Variants in PPP2R5E observed in about 807,000 individuals in gnomAD.
PPP2R5E encodes protein phosphatase 2 regulatory subunit B'epsilon.
A neutral mutation model predicts 65.3 loss-of-function variants in PPP2R5E; 4 were observed. The ratio of observed to expected loss-of-function variants is 0.06; its 90% CI spans 0.03 to 0.14. The LOEUF (loss-of-function observed/expected upper bound fraction) is 0.14. PPP2R5E is among the 10% of genes least tolerant of loss of function. The probability of loss-of-function intolerance (pLI) is 1.00; values close to 1 mark genes in which losing one functional copy is unlikely to be tolerated. For synonymous variants in PPP2R5E, 183 were observed against 187.4 expected (o/e 0.98, Z 0.19); for missense variants, 274 against 556.1 (o/e 0.49, Z 5.10).
In PPP2R5E at chr14:63,417,725, A is replaced by C. The variant is rs192891032; in HGVS notation, c.457-2493T>G. The stretch of plus-strand genomic sequence containing the variant: ...GTGAAATCGGCTTTTTTACATTTTT[A>C]ATTACAAGTACGTGGCAGTGAAGAA... On this transcript the variant is annotated intron_variant, in intron 4 of 13. Transcript: ENST00000337537. 5.4e-4 allele frequency among the ~76,000 whole-genome samples: 82 copies of C among 152,272 alleles called. 2 individuals are homozygous for C. In the South Asian group the frequency reaches 5.6e-3, roughly 10 times the overall value.
intron 3 of PPP2R5E, among the ~76,000 whole-genome samples, chr14:63,433,802 C>G (rs1440653324): frequency 6.6e-6 from 1 of 152,136 alleles, no homozygotes; most frequent in African/African-American, 2.4e-5. Context: ...TCCTGTTTCG[C>G]CCCCATGCAC....
At chr14:63,415,091 A>C in intron 5 of PPP2R5E, 49 bp downstream of exon 5, 3 of 1,335,432 alleles carry the variant, frequency 2.2e-6, no homozygotes, top group Non-Finnish European at 3.2e-6. Flanking sequence ...AAAATGAGAT[A>C]AAGTGTTAAC....
chr14:63,494,041 C>T (rs1186010770), intron 2 of PPP2R5E, among the ~76,000 whole-genome samples: 1 of 152,062 alleles, frequency 6.6e-6, no homozygotes, highest in Non-Finnish European at 1.5e-5. Context: ...ATTTTTTACC[C>T]AGAATTCCAC....
intron 2 of PPP2R5E, among the ~76,000 whole-genome samples, chr14:63,496,913 A>C (rs1891600377): frequency 6.6e-6 from 1 of 152,164 alleles, no homozygotes; most frequent in Middle Eastern, 3.4e-3. Context: ...TAGTTTTCCA[A>C]GAATTTTTCT....
intron 2 of PPP2R5E, among the ~76,000 whole-genome samples, chr14:63,465,663 T>G (rs933082129): frequency 3.5e-4 from 53 of 152,158 alleles, no homozygotes; most frequent in Non-Finnish European, 1.2e-4. Context: ...TAATTTTTTG[T>G]TAAAATTTTA....
chr14:63,445,359 T>C (rs1888424454), intron 3 of PPP2R5E, among the ~76,000 whole-genome samples: 1 of 152,242 alleles, frequency 6.6e-6, no homozygotes, highest in Admixed American at 6.5e-5. Context: ...AATAGCTTTA[T>C]GTCTAAAAAA....
chr14:63,533,930 G>C (rs1352416894), intron 2 of PPP2R5E, among the ~76,000 whole-genome samples: 2 of 152,234 alleles, frequency 1.3e-5, no homozygotes, highest in Non-Finnish European at 1.5e-5. Context: ...CTGGGTGACA[G>C]AGCGAGACTC....
At chr14:63,463,878 G>GA (rs1889637095) in intron 2 of PPP2R5E, among the ~76,000 whole-genome samples, 1 of 152,160 alleles carries the variant, frequency 6.6e-6, no homozygotes, top group African/African-American at 2.4e-5. Flanking sequence ...TTACAGGCGT[G>GA]AGCCATCGCG....
At chr14:63,418,560 G>A (rs994309862) in intron 4 of PPP2R5E, among the ~76,000 whole-genome samples, 2 of 152,126 alleles carry the variant, frequency 1.3e-5, no homozygotes, top group Non-Finnish European at 2.9e-5. Flanking sequence ...ATTCTCCAAG[G>A]AACTTTAGTA....
intron 2 of PPP2R5E, among the ~76,000 whole-genome samples, chr14:63,478,059 C>T (rs891225021): frequency 6.6e-6 from 1 of 152,130 alleles, no homozygotes; most frequent in African/African-American, 2.4e-5. Context: ...TCAGTTAATA[C>T]TTGGTCACCT....
intron 2 of PPP2R5E, among the ~76,000 whole-genome samples, chr14:63,473,372 G>A (rs940408951): frequency 6.6e-6 from 1 of 152,262 alleles, no homozygotes; most frequent in Non-Finnish European, 1.5e-5. Context: ...AGGGGAAAAC[G>A]AAGAACAGAA....
intron 2 of PPP2R5E, among the ~76,000 whole-genome samples, chr14:63,488,651 C>G (rs1891124810): frequency 2.6e-5 from 4 of 150,982 alleles, no homozygotes; most frequent in Admixed American, 2.6e-4. Context: ...GAATTTGAGA[C>G]CAGCGTGGCC....
At chr14:63,407,490 A>C (rs1886151786) in intron 5 of PPP2R5E, among the ~76,000 whole-genome samples, 1 of 152,260 alleles carries the variant, frequency 6.6e-6, no homozygotes, top group African/African-American at 2.4e-5. Context: ...CAAGGCAATA[A>C]AATGAGAATG....
At chr14:63,419,128 TG>T (rs1404434453) in intron 4 of PPP2R5E, among the ~76,000 whole-genome samples, 1 of 152,200 alleles carries the variant, frequency 6.6e-6, no homozygotes, top group East Asian at 1.9e-4. Flanking sequence ...ATTACAGGTA[TG>T]GGCCACTACG....
At chr14:63,541,443 C>A (rs1164438732) in intron 1 of PPP2R5E, among the ~76,000 whole-genome samples, 1 of 152,206 alleles carries the variant, frequency 6.6e-6, no homozygotes, top group Non-Finnish European at 1.5e-5. Context: ...AATTGTTTAA[C>A]CCTCTCGAGT....
rs1891216180 is a variant in PPP2R5E, at chr14:63,490,212, GA to G, written c.158-36328del. Among the ~76,000 whole-genome samples, 4 of 152,152 alleles carry G rather than the reference GA, an allele frequency of 2.6e-5. No individual in the cohort carries two copies. The South Asian group carries it at 8.3e-4, about 32-fold the overall frequency. ...CTACCTAGTCAATAAATGGTGCTGG[GA>G]AAACTGGCTAACCATATGCAGAACG... is the stretch of plus-strand genomic sequence containing the variant. On this transcript the variant is annotated intron_variant, in intron 2 of 13. Transcript: ENST00000337537.
rs146008944 is a variant in PPP2R5E at position 63,465,955 on chromosome 14, T to C, written c.158-12070A>G. 2.4e-3 allele frequency among the ~76,000 whole-genome samples: 358 copies of C among 152,246 alleles called. 4 individuals carry two copies. Among genetic ancestry groups the C allele is most frequent in the African/African-American group, 8.1e-3 (338 of 41,550 alleles). On this transcript the variant is annotated intron_variant, in intron 2 of 13. Transcript: ENST00000337537. ...CTTATAAGGTAAGGAAATAAGTTAA[T>C]GGAATTAAAGATTTTCAGCAAGCAT...
At position 63,484,204 on chromosome 14, in the gene PPP2R5E, G is replaced by A. The variant is rs138315426; in HGVS notation, c.158-30319C>T. Among the ~76,000 whole-genome samples, 957 of 152,138 alleles carry A rather than the reference G, an allele frequency of 6.3e-3. 13 individuals carry two copies. The highest frequency in any genetic ancestry group is 0.022 in the African/African-American group (915 of 41,500). The stretch of plus-strand genomic sequence containing the variant: ...AGGCAGGAAACCTGTGAAAGGGACC[G>A]GACCAAGGAGTAGCTGGAAATACAA... On this transcript the variant is annotated intron_variant, in intron 2 of 13. Coordinates refer to ENST00000337537, the MANE Select transcript of PPP2R5E (RefSeq NM_006246.5).
intron 2 of PPP2R5E, among the ~76,000 whole-genome samples, chr14:63,477,001 T>C (rs1890444904): frequency 6.6e-6 from 1 of 152,122 alleles, no homozygotes; most frequent in African/African-American, 2.4e-5. Context: ...CATCTCCATT[T>C]CTAAATGGTG....
Sources: gnomAD v4.1 joint callset for allele counts (sites outside exome capture counted in the v4.1 genomes callset) on GRCh38, gnomAD v4.1.1 for gene constraint, MANE v1.5 for transcripts, NCBI Gene and HGNC (gene_info 2026-07-23, HGNC 2026-07-21) for gene names.